PCDHA7: variants seen among roughly 807,000 people sequenced by gnomAD.
PCDHA7 encodes protocadherin alpha-7.
In PCDHA7, 37 loss-of-function variants were observed where a neutral mutation model predicts 57.2. That is an observed-to-expected ratio of 0.65 (90% CI 0.50 to 0.85). The LOEUF (loss-of-function observed/expected upper bound fraction) is 0.85, where lower values mean the gene tolerates loss of function less well. Ranked by LOEUF, PCDHA7 falls within the 40% of genes least tolerant of loss-of-function variation. PCDHA7 has a pLI of 0.00. For synonymous variants in PCDHA7, 553 were observed against 558.8 expected (o/e 0.99, Z 0.15); for missense variants, 1,188 against 1,241.8 (o/e 0.96, Z 0.65).
Position 140,956,868 on chromosome 5 carries a change from G to A in PCDHA7, c.2356-22081G>A, listed in dbSNP as rs1161897507. Among the ~76,000 whole-genome samples, 4 of 152,082 alleles carry A rather than the reference G, an allele frequency of 2.6e-5. No individual in the cohort carries two copies. In the South Asian group the frequency reaches 8.3e-4, roughly 32 times the overall value. On this transcript the variant is annotated intron_variant, in intron 1 of 3. Transcript: ENST00000525929. ...GGGTTAAATGGTTGAATGAATGTGT[G>A]AAAAGTTAGATATCAATGAATGAAT...
At chr5:141,004,823 TTAGA>T (rs1175791432) in intron 3 of PCDHA7, among the ~76,000 whole-genome samples, 26 of 152,314 alleles carry the variant, frequency 1.7e-4, no homozygotes, top group African/African-American at 5.8e-4. Context: ...TTTGATTAAC[TTAGA>T]TAGATCAAAG....
rs1554142981 is a variant in PCDHA7, at chr5:140,849,496, G to A, written c.2355+12758G>A. The A allele has an allele frequency of 6.3e-7, 1 of 1,593,496 alleles. No individual in the cohort carries two copies. Among genetic ancestry groups the A allele is most frequent in the South Asian group, 1.1e-5 (1 of 90,348 alleles). ...GGCTTCCCACCCCTGGCTGGTCATT[G>A]TACACTTCTTGTGGAAGTTGTGGAT... is the stretch of plus-strand genomic sequence containing the variant. On this transcript the variant is annotated intron_variant, in intron 1 of 3. Coordinates refer to ENST00000525929, the MANE Select transcript of PCDHA7 (RefSeq NM_018910.3).
intron 1 of PCDHA7, among the ~76,000 whole-genome samples, chr5:140,872,175 T>A (rs1402825591): frequency 6.6e-5 from 10 of 152,228 alleles, no homozygotes; most frequent in African/African-American, 2.4e-4. Context: ...CTTTTTTTTT[T>A]TTACAGTGTT....
intron 1 of PCDHA7, chr5:140,863,164 G>C (rs781940637): frequency 1.7e-5 from 11 of 661,132 alleles, no homozygotes; most frequent in Non-Finnish European, 3.0e-5. Context: ...CTGCGAGCTG[G>C]CGCTGACTGC....
At chr5:140,938,907 A>T (rs2092260332) in intron 1 of PCDHA7, among the ~76,000 whole-genome samples, 1 of 152,090 alleles carries the variant, frequency 6.6e-6, no homozygotes, top group Non-Finnish European at 1.5e-5. Context: ...GCACACACAC[A>T]CACGCACAAG....
chr5:140,852,121 TA>T, intron 1 of PCDHA7: 1 of 901,518 alleles, frequency 1.1e-6, no homozygotes, highest in Non-Finnish European at 1.4e-6. Context: ...ATGACCTAAT[TA>T]AAAACTCAGT....
At chr5:140,852,883 G>C in intron 1 of PCDHA7, 1 of 933,168 alleles carries the variant, frequency 1.1e-6, no homozygotes. Flanking sequence ...ATCATAAAAC[G>C]TATTTTTTTT....
chr5:140,945,001 G>GT (rs2093723326), intron 1 of PCDHA7, among the ~76,000 whole-genome samples: 1 of 151,990 alleles, frequency 6.6e-6, no homozygotes, highest in South Asian at 2.1e-4. Context: ...ACGGTTGTGG[G>GT]TCATGAATTA....
chr5:141,006,405 C>A (rs782532612), intron 3 of PCDHA7, among the ~76,000 whole-genome samples: 1 of 151,798 alleles, frequency 6.6e-6, no homozygotes, highest in Non-Finnish European at 1.5e-5. Context: ...AGTAGAGACG[C>A]GGTTTCACTG....
intron 1 of PCDHA7, among the ~76,000 whole-genome samples, chr5:140,954,419 T>TG (rs1413660060): frequency 1.3e-5 from 2 of 151,998 alleles, no homozygotes; most frequent in African/African-American, 4.8e-5. Context: ...AAGGTGTTCC[T>TG]TTTTCTCCAT....
intron 1 of PCDHA7, chr5:140,877,134 C>G (rs1339173132): frequency 3.1e-6 from 5 of 1,613,594 alleles, no homozygotes; most frequent in African/African-American, 2.7e-5. Flanking sequence ...TGCAGGTGTT[C>G]GTGCTGGACG....
intron 1 of PCDHA7, among the ~76,000 whole-genome samples, chr5:140,962,378 G>A (rs184607177): frequency 2.1e-3 from 316 of 152,286 alleles, no homozygotes; most frequent in African/African-American, 7.3e-3. Context: ...GATTTTATCT[G>A]TTAATATTAC....
rs141467715 is a variant in PCDHA7 at position 140,882,439 on chromosome 5, G to A, written c.2355+45701G>A. 19 of 1,613,928 alleles carry A rather than the reference G, an allele frequency of 1.2e-5. No individual in the cohort carries two copies. The African/African-American group carries it at 1.5e-4, about 12-fold the overall frequency. ...CTCAGGACCTGGGGCTGGAGCTGGC[G>A]GAGCTGGTGCCGCGCCTGTTCCGGG... is the stretch of plus-strand genomic sequence containing the variant. On this transcript the variant is annotated intron_variant, in intron 1 of 3. Transcript: ENST00000525929.
chr5:140,970,641 T>C (rs1430565577), intron 1 of PCDHA7, among the ~76,000 whole-genome samples: 1 of 152,170 alleles, frequency 6.6e-6, no homozygotes, highest in African/African-American at 2.4e-5. Context: ...GTACCATAAA[T>C]AGTGATGAAT....
At chr5:140,842,679 C>A in intron 1 of PCDHA7, 1 of 1,595,330 alleles carries the variant, frequency 6.3e-7, no homozygotes, top group Non-Finnish European at 8.6e-7. Context: ...GACAATGCTC[C>A]GGCGTTCGCG....
chr5:140,853,719 C>T lies in PCDHA7; in HGVS notation c.2355+16981C>T, dbSNP rs2042844142. 3 of 988,390 alleles carry T rather than the reference C, an allele frequency of 3.0e-6. 1 individual carries two copies. Among genetic ancestry groups the T allele is most frequent in the Non-Finnish European group, 3.7e-6 (3 of 820,332 alleles). The allele number at this position is 988,390 out of a possible 1,614,324, so 61.2% of individuals were successfully genotyped here. Reference sequence around the variant, plus strand: ...GCTAACGCATTAGCATTAGCAGCACCTAAGTCCTCATTGAATGTTCTGGTT... The same window carrying T: ...GCTAACGCATTAGCATTAGCAGCACTTAAGTCCTCATTGAATGTTCTGGTT... On this transcript the variant is annotated intron_variant, in intron 1 of 3. Coordinates refer to ENST00000525929, the MANE Select transcript of PCDHA7 (RefSeq NM_018910.3).
chr5:140,919,660 T>C (rs561238136), intron 1 of PCDHA7, among the ~76,000 whole-genome samples: 1 of 152,360 alleles, frequency 6.6e-6, no homozygotes, highest in African/African-American at 2.4e-5. Flanking sequence ...TTACCATATA[T>C]ATTTTAGCTT....
chr5:140,924,909 AAT>A (rs1563069038), intron 1 of PCDHA7, among the ~76,000 whole-genome samples: 1,502 of 66,200 alleles, frequency 0.023, 33 homozygotes, highest in African/African-American at 0.07. Context: ...AAAAAAATAA[AAT>A]AAAATAAAAT....
At chr5:140,977,591 A>T (rs1267599253) in intron 1 of PCDHA7, among the ~76,000 whole-genome samples, 2 of 152,164 alleles carry the variant, frequency 1.3e-5, no homozygotes, top group African/African-American at 4.8e-5. Context: ...AGCAGTTAGC[A>T]TGTGAGGACC....
Sources: gnomAD v4.1 joint callset for allele counts (sites outside exome capture counted in the v4.1 genomes callset) on GRCh38, gnomAD v4.1.1 for gene constraint, MANE v1.5 for transcripts, NCBI Gene and HGNC (gene_info 2026-07-23, HGNC 2026-07-21) for gene names.